Variants in ADAMTSL1 observed in about 807,000 individuals in gnomAD.
The protein encoded by ADAMTSL1 is ADAMTS-like protein 1.
A neutral mutation model predicts 201.8 loss-of-function variants in ADAMTSL1; 126 were observed. The ratio of observed to expected loss-of-function variants is 0.62; its 90% CI spans 0.54 to 0.72. The LOEUF is 0.72. ADAMTSL1 is among the 30% of genes least tolerant of loss of function. The pLI is 0.00. For synonymous variants in ADAMTSL1, 1,121 were observed against 903.4 expected, an observed-to-expected ratio of 1.24 and a Z score of -4.32; for missense variants, 2,679 against 2,277.8, an observed-to-expected ratio of 1.18 and a Z score of -3.59.
At chr9:18,576,260 A>G (rs1180263453) in intron 4 of ADAMTSL1, among the ~76,000 whole-genome samples, 2 of 152,208 alleles carry the variant, frequency 1.3e-5, no homozygotes, top group Non-Finnish European at 2.9e-5. Flanking sequence ...TGGAAAAACA[A>G]AGATTGCATT....
intron 16 of ADAMTSL1, among the ~76,000 whole-genome samples, chr9:18,758,562 G>C (rs1397767802): frequency 6.6e-6 from 1 of 152,102 alleles, no homozygotes; most frequent in East Asian, 1.9e-4. Flanking sequence ...ATGCTTCCTT[G>C]GCTCATGGCC....
intron 1 of ADAMTSL1, among the ~76,000 whole-genome samples, chr9:17,925,062 C>G (rs1259859959): frequency 1.2e-5 from 1 of 86,496 alleles, no homozygotes; most frequent in African/African-American, 3.8e-5. Flanking sequence ...ACAGACACTT[C>G]TCAAAAGAAG....
chr9:17,911,578 G>A lies in ADAMTSL1; in HGVS notation c.87+4656G>A, dbSNP rs948391157. 1.5e-4 allele frequency among the ~76,000 whole-genome samples: 10 copies of A among 68,620 alleles called. 3 individuals carry two copies. The highest frequency in any genetic ancestry group is 2.1e-4 in the African/African-American group (7 of 34,122). The allele number at this position is 68,620 out of a possible 152,430, so 45.0% of individuals were successfully genotyped here. ...TTCCATTTACAATGTTATTCTAAAT[G>A]GTATCCTTGTTAGGAATTCAGTAAT... On this transcript the variant is annotated intron_variant, in intron 1 of 29. Transcript: ENST00000680146.
intron 1 of ADAMTSL1, among the ~76,000 whole-genome samples, chr9:18,161,545 C>A (rs7867914): frequency 0.037 from 5,657 of 152,078 alleles, 117 homozygotes; most frequent in Non-Finnish European, 0.047. Context: ...TAGAACATGT[C>A]AATTCTGGAT....
intron 2 of ADAMTSL1, among the ~76,000 whole-genome samples, chr9:18,518,713 T>C (rs575942200): frequency 2.0e-5 from 3 of 152,306 alleles, no homozygotes; most frequent in Non-Finnish European, 4.4e-5. Context: ...TTTTCTTTTT[T>C]CTTTTTATTT....
intron 2 of ADAMTSL1, among the ~76,000 whole-genome samples, chr9:18,279,853 G>A (rs1832717855): frequency 6.6e-6 from 1 of 152,132 alleles, no homozygotes; most frequent in Non-Finnish European, 1.5e-5. Context: ...TGGGTCTGTG[G>A]GTGTTAGCCT....
At position 18,833,971 on chromosome 9, in the gene ADAMTSL1, T is replaced by C. The variant is rs1463322503; in HGVS notation, c.4249+3994T>C. On this transcript the variant is annotated intron_variant, in intron 23 of 28. Coordinates refer to ENST00000380548, the MANE Select transcript of ADAMTSL1 (RefSeq NM_001040272.6). ...ATCCTTCCCCCATTTCTTGTTTTTG[T>C]CAGTTTATCGAAGATTAGATGGTAG... Among the ~76,000 whole-genome samples the C allele has an allele frequency of 2.0e-5, 3 of 152,194 alleles. No individual in the cohort carries two copies. In the East Asian group the frequency reaches 5.8e-4, roughly 29 times the overall value.
At chr9:18,588,153 A>G (rs35108345) in intron 4 of ADAMTSL1, among the ~76,000 whole-genome samples, 10,914 of 152,132 alleles carry the variant, frequency 0.072, 418 homozygotes, top group Non-Finnish European at 0.089. Context: ...TGTCCTTTTA[A>G]TAATAGCCAC....
intron 21 of ADAMTSL1, among the ~76,000 whole-genome samples, chr9:18,822,673 T>G (rs1392039903): frequency 6.6e-6 from 1 of 152,206 alleles, no homozygotes; most frequent in South Asian, 2.1e-4. Context: ...TCTTAATCTC[T>G]ATGAGACCCT....
chr9:18,031,650 C>G (rs1240528596), intron 1 of ADAMTSL1, among the ~76,000 whole-genome samples: 1 of 152,196 alleles, frequency 6.6e-6, no homozygotes, highest in Non-Finnish European at 1.5e-5. Context: ...CCCACCCACC[C>G]TCCAAGTCCA....
At chr9:18,805,629 T>C (rs1823063200) in intron 20 of ADAMTSL1, among the ~76,000 whole-genome samples, 1 of 152,210 alleles carries the variant, frequency 6.6e-6, no homozygotes, top group African/African-American at 2.4e-5. Flanking sequence ...AGCTATACTA[T>C]GCAGAGATGA....
At chr9:18,233,802 A>T (rs957735593) in intron 2 of ADAMTSL1, among the ~76,000 whole-genome samples, 1 of 152,118 alleles carries the variant, frequency 6.6e-6, no homozygotes, top group South Asian at 2.1e-4. Flanking sequence ...TACAGAAATG[A>T]CTTCTGGGTT....
At chr9:18,457,719 T>C (rs936517252) in intron 2 of ADAMTSL1, among the ~76,000 whole-genome samples, 2 of 152,186 alleles carry the variant, frequency 1.3e-5, no homozygotes, top group Admixed American at 1.3e-4. Context: ...AGTCATGCCT[T>C]AGACAGAAAT....
At chr9:18,829,786 T>G (rs1023077473) in intron 22 of ADAMTSL1, 57 bp from the exon 23 acceptor site, 5 of 1,607,468 alleles carry the variant, frequency 3.1e-6, no homozygotes, top group Non-Finnish European at 4.3e-6. Context: ...CTCTTCCTCT[T>G]GCCTTGACAC....
chr9:18,713,373 C>A (rs1372880107), intron 14 of ADAMTSL1, among the ~76,000 whole-genome samples: 1 of 152,152 alleles, frequency 6.6e-6, no homozygotes, highest in Non-Finnish European at 1.5e-5. Flanking sequence ...TGCAGAGACA[C>A]ACATAGGCTC....
intron 3 of ADAMTSL1, 51 bp downstream of exon 3, chr9:18,533,343 T>C: frequency 6.7e-7 from 1 of 1,496,458 alleles, no homozygotes; most frequent in Non-Finnish European, 9.2e-7. Context: ...TAGCACTGAA[T>C]GGTGCTAAGC....
At chr9:17,926,625 GTTAAAACAAGAGGTGCT>G (rs374584298) in intron 1 of ADAMTSL1, among the ~76,000 whole-genome samples, 5 of 152,310 alleles carry the variant, frequency 3.3e-5, no homozygotes, top group African/African-American at 1.2e-4. Flanking sequence ...CCTGCCAATG[GTTAAAACAAGAGGTGCT>G]TTTGCTCACA....
At chr9:17,948,129 C>T (rs1827582644) in intron 1 of ADAMTSL1, among the ~76,000 whole-genome samples, 1 of 152,104 alleles carries the variant, frequency 6.6e-6, no homozygotes, top group Non-Finnish European at 1.5e-5. Flanking sequence ...TATGAATTTT[C>T]AGTTTTTGAG....
chr9:18,129,340 C>G (rs1347074507), intron 1 of ADAMTSL1, among the ~76,000 whole-genome samples: 3 of 152,144 alleles, frequency 2.0e-5, no homozygotes, highest in African/African-American at 7.2e-5. Context: ...ACATTTTGCA[C>G]TATGTTCTTT....
Sources: gnomAD v4.1 joint callset for allele counts (sites outside exome capture counted in the v4.1 genomes callset) on GRCh38, gnomAD v4.1.1 for gene constraint, MANE v1.5 for transcripts, NCBI Gene and HGNC (gene_info 2026-07-23, HGNC 2026-07-21) for gene names.